Variants in WDR20 observed in about 807,000 individuals in gnomAD.
WDR20 encodes WD repeat domain 20.
WDR20 carries 3 observed loss-of-function variants against 38.7 expected under a neutral mutation model. The observed-to-expected ratio is 0.08, with a 90% CI of 0.04 to 0.20. The LOEUF (loss-of-function observed/expected upper bound fraction) is 0.20. Ranked by LOEUF, WDR20 falls within the 10% of genes least tolerant of loss-of-function variation. The pLI is 1.00. For synonymous variants in WDR20, 298 were observed against 285.6 expected, an observed-to-expected ratio of 1.04 and a Z score of -0.44; for missense variants, 559 against 727.7, an observed-to-expected ratio of 0.77 and a Z score of 2.67.
chr14:102,151,172 A>ATT (rs1360184226), intron 1 of WDR20, among the ~76,000 whole-genome samples: 1 of 136,518 alleles, frequency 7.3e-6, no homozygotes. Context: ...TCCATTGGGG[A>ATT]ATTTTTTTTT....
chr14:102,165,671 C>A (rs1190575), intron 1 of WDR20, among the ~76,000 whole-genome samples: 2 of 143,096 alleles, frequency 1.4e-5, no homozygotes, highest in Non-Finnish European at 3.0e-5. Context: ...GGGTCTCACT[C>A]TGTTGCTCAG....
At chr14:102,197,316 G>A (rs983954123) in intron 2 of WDR20, among the ~76,000 whole-genome samples, 27 of 152,210 alleles carry the variant, frequency 1.8e-4, no homozygotes, top group African/African-American at 6.5e-4. Context: ...AGTAAGAATG[G>A]ACAGAGAGTA....
At chr14:102,163,227 G>A (rs558998654) in intron 1 of WDR20, among the ~76,000 whole-genome samples, 3 of 152,158 alleles carry the variant, frequency 2.0e-5, no homozygotes, top group East Asian at 1.9e-4. Flanking sequence ...CTCTGTGTTG[G>A]GCACTTGCTT....
downstream of WDR20, among the ~76,000 whole-genome samples, chr14:102,211,063 C>T (rs2062459206): frequency 6.6e-6 from 1 of 152,166 alleles, no homozygotes; most frequent in South Asian, 2.1e-4. This position sits in a 1 kb window ranked among gnomAD's most constrained non-coding sequence, Gnocchi z 4.2. Context: ...TCTGCTGCTC[C>T]CCCGGAGACC....
chr14:102,172,972 G>A (rs953250940), intron 1 of WDR20, among the ~76,000 whole-genome samples: 1 of 151,120 alleles, frequency 6.6e-6, no homozygotes, highest in African/African-American at 2.4e-5. Flanking sequence ...CATCCCAGAC[G>A]GGGCGGCGGG....
chr14:102,212,742 G>C (rs114904683), downstream of WDR20: 2,070 of 1,408,850 alleles, frequency 1.5e-3, 30 homozygotes, highest in African/African-American at 0.027. Context: ...GGTGCAATGC[G>C]TGCTGCTAAC....
intron 2 of WDR20, among the ~76,000 whole-genome samples, chr14:102,200,467 T>TTGTGTG (rs71395660): frequency 0.012 from 1,466 of 117,672 alleles, 12 homozygotes; most frequent in Non-Finnish European, 0.016. Flanking sequence ...ATTTTTTTTT[T>TTGTGTG]TGTGTGTGTG....
chr14:102,193,336 G>T, intron 1 of WDR20: 1 of 898,686 alleles, frequency 1.1e-6, no homozygotes, highest in Non-Finnish European at 1.7e-6. Context: ...GCTGTACAGC[G>T]GCCGCTCCCC....
At chr14:102,159,890 A>C (rs2058257583) in intron 1 of WDR20, among the ~76,000 whole-genome samples, 1 of 152,118 alleles carries the variant, frequency 6.6e-6, no homozygotes. Context: ...GGATCACTTA[A>C]GACCAGGAAT....
At chr14:102,210,856 G>A (rs1416842655), downstream of WDR20, among the ~76,000 whole-genome samples, 1 of 152,164 alleles carries the variant, frequency 6.6e-6, no homozygotes, top group Non-Finnish European at 1.5e-5. Flanking sequence ...CATGGCCCTC[G>A]TTTGGGCTTC....
chr14:102,220,315 AACCTGAAAAGTGCCATAACGTGTCAAC>A lies in WDR20; in HGVS notation c.1693-2514_1693-2488del, dbSNP rs1214581552. Among the ~76,000 whole-genome samples the A allele has an allele frequency of 1.1e-4, 17 of 152,242 alleles. No individual in the cohort carries two copies. Among genetic ancestry groups the A allele is most frequent in the Non-Finnish European group, 5.9e-5 (4 of 68,042 alleles). ...TAAGTATGTAAATTGGGGCCAGTCC[AACCTGAAAAGTGCCATAACGTGTCAAC>A]CACACAGCACACCTCAAAGGCTTCT... On this transcript the variant is annotated intron_variant, in intron 3 of 3. Coordinates refer to the WDR20 transcript ENST00000335263. The surrounding 1 kb of genome is among the most constrained non-coding windows in gnomAD (Gnocchi z 4.2).
At chr14:102,198,184 A>G (rs1187810767) in intron 2 of WDR20, 3 of 188,668 alleles carry the variant, frequency 1.6e-5, no homozygotes, top group Non-Finnish European at 3.4e-5. Context: ...GCTGGAGTGC[A>G]GTGGCGCAAT....
chr14:102,172,775 G>T (rs1314397111), intron 1 of WDR20, among the ~76,000 whole-genome samples: 2 of 150,310 alleles, frequency 1.3e-5, no homozygotes, highest in Non-Finnish European at 3.0e-5. Context: ...CTTCCCAGAC[G>T]GGGTGGCTGC....
chr14:102,152,651 A>G (rs748778576), intron 1 of WDR20, among the ~76,000 whole-genome samples: 2 of 152,008 alleles, frequency 1.3e-5, no homozygotes, highest in Non-Finnish European at 2.9e-5. Flanking sequence ...TTGCCCTCAT[A>G]TGATCCACCT....
chr14:102,167,692 C>A (rs546578604), intron 1 of WDR20: 2 of 152,276 alleles, frequency 1.3e-5, no homozygotes, highest in African/African-American at 4.8e-5. Context: ...TACCGTCTAC[C>A]AAGTCGCCTC....
intron 1 of WDR20, among the ~76,000 whole-genome samples, chr14:102,152,024 G>A (rs1188611206): frequency 1.3e-5 from 2 of 151,936 alleles, no homozygotes; most frequent in African/African-American, 2.4e-5. Context: ...TGGGATCAAG[G>A]GGTCTTCCCA....
intron 1 of WDR20, among the ~76,000 whole-genome samples, chr14:102,143,390 G>T (rs2052226182): frequency 2.0e-5 from 3 of 152,136 alleles, no homozygotes. Context: ...TTTAAAGACA[G>T]TATTAACATT....
chr14:102,185,929 G>T (rs184029057), intron 1 of WDR20, among the ~76,000 whole-genome samples: 3 of 151,592 alleles, frequency 2.0e-5, no homozygotes, highest in Admixed American at 2.0e-4. Context: ...TTTCCTTTCT[G>T]TGACAGATAT....
downstream of WDR20, among the ~76,000 whole-genome samples, chr14:102,218,879 G>A (rs369832782): frequency 3.3e-5 from 5 of 152,240 alleles, no homozygotes; most frequent in Non-Finnish European, 4.4e-5. Flanking sequence ...AGCAGCTCCC[G>A]CACGCTGCTG....
Sources: gnomAD v4.1 joint callset for allele counts (sites outside exome capture counted in the v4.1 genomes callset) on GRCh38, gnomAD v4.1.1 for gene constraint, Gnocchi (gnomAD v3.1) non-coding constraint, MANE v1.5 for transcripts, NCBI Gene and HGNC (gene_info 2026-07-23, HGNC 2026-07-21) for gene names.